Variants in ING5 observed in about 807,000 individuals in gnomAD.
The protein encoded by ING5 is inhibitor of growth protein 5.
Under a neutral mutation model 37.4 loss-of-function variants are expected in ING5, and 17 were observed. That is an observed-to-expected ratio of 0.45 (90% CI 0.31 to 0.68). The LOEUF is 0.68. Ranked by LOEUF, ING5 falls within the 30% of genes least tolerant of loss-of-function variation. The probability of loss-of-function intolerance (pLI) is 0.05; values close to 1 mark genes in which losing one functional copy is unlikely to be tolerated. For missense variants in ING5, 233 were observed against 311.9 expected, an observed-to-expected ratio of 0.75 and a Z score of 1.91; for synonymous variants, 123 against 116.6, an observed-to-expected ratio of 1.06 and a Z score of -0.36.
chr2:241,696,944 T>C (rs7586855), intron 2 of ING5, among the ~76,000 whole-genome samples: 94,400 of 151,864 alleles, frequency 0.62, 29,521 homozygotes, highest in Admixed American at 0.66. Context: ...TAGCTGGGCA[T>C]GGTGGCAGGC....
chr2:241,723,665 C>G, intron 7 of ING5: 1 of 1,169,020 alleles, frequency 8.6e-7, no homozygotes, highest in Non-Finnish European at 1.3e-6. Context: ...GAGATGTGAG[C>G]CCTGAAGCCG....
intron 1 of ING5, among the ~76,000 whole-genome samples, chr2:241,703,268 T>A (rs1200047058): frequency 6.6e-6 from 1 of 152,178 alleles, no homozygotes; most frequent in East Asian, 1.9e-4. Flanking sequence ...ACACTGGGGC[T>A]GGAAGCATCA....
chr2:241,725,024 A>G lies in ING5; in HGVS notation c.716A>G (p.Lys239Arg), dbSNP rs1691551051. The part of the protein sequence containing the change: ...CPRCVQEKRK[K>R]K ...CGGTGTGTCCAGGAAAAGAGGAAGA[A>G]GAAGTAGGAGGAGCTGTGTGCCCGG... Residue 239 changes from lysine (K) to arginine (R), a missense_variant, in exon 8 of 8, where the codon AAG (lysine) becomes AGG (arginine). Transcript: ENST00000313552. 1 of 1,614,006 alleles carries G rather than the reference A, an allele frequency of 6.2e-7. No homozygotes were observed. Among genetic ancestry groups the G allele is most frequent in the African/African-American group, 1.3e-5 (1 of 74,924 alleles).
chr2:241,702,383 A>AC (rs1411012900), intron 1 of ING5, among the ~76,000 whole-genome samples: 6 of 144,808 alleles, frequency 4.1e-5, no homozygotes, highest in African/African-American at 7.8e-5. Flanking sequence ...TGCGGCCTCG[A>AC]CCCCGCCCAC....
At chr2:241,716,341 A>G (rs1179125768) in intron 5 of ING5, among the ~76,000 whole-genome samples, 1 of 142,282 alleles carries the variant, frequency 7.0e-6, no homozygotes, top group Non-Finnish European at 1.5e-5. Context: ...GCTGGAGTAC[A>G]ATTTGCAATG....
intron 1 of ING5, among the ~76,000 whole-genome samples, chr2:241,688,435 A>T (rs917500405): frequency 6.6e-6 from 1 of 152,210 alleles, no homozygotes; most frequent in Non-Finnish European, 1.5e-5. Context: ...GGCTGAGGTC[A>T]TTGGCAACAA....
chr2:241,721,431 G>A (rs2124948166), intron 5 of ING5: 1 of 985,608 alleles, frequency 1.0e-6, no homozygotes, highest in Non-Finnish European at 1.2e-6. Flanking sequence ...ACAGACTTAG[G>A]TGGGCGCCCC....
chr2:241,719,595 C>T (rs2070374720), intron 5 of ING5: 3 of 1,535,960 alleles, frequency 2.0e-6, no homozygotes, highest in Admixed American at 2.0e-5. Context: ...CTTCCTCACC[C>T]AGTGCTGTTT....
chr2:241,723,874 G>C (rs761984377), intron 7 of ING5: 36 of 1,467,530 alleles, frequency 2.5e-5, no homozygotes, highest in Non-Finnish European at 3.4e-5. Flanking sequence ...GCTGGGCGTG[G>C]TGGTGCGTGC....
rs751954614 is a variant in ING5, at chr2:241,704,646, GT to G, written c.38-4del. On this transcript the variant is annotated splice_region_variant and splice_polypyrimidine_tract_variant and intron_variant, in intron 1 of 7. Coordinates refer to ENST00000313552, the MANE Select transcript of ING5 (RefSeq NM_032329.6). ...AGGTACATGGCTTCTGTGTTTTTGC[GT>G]TTCAGGTATCGAGAACCTTCCCTGC... is the stretch of plus-strand genomic sequence containing the variant. The G allele has an allele frequency of 6.3e-5, 101 of 1,613,278 alleles. No individual in the cohort carries two copies. The highest frequency in any genetic ancestry group is 3.8e-4 in the Admixed American group (23 of 59,992).
chr2:241,711,315 A>G (rs1168959221), intron 3 of ING5, 62 bp from the exon 4 acceptor site: 1 of 1,176,692 alleles, frequency 8.5e-7, no homozygotes, highest in African/African-American at 1.6e-5. Flanking sequence ...ACTTTTGTAC[A>G]TTCGTGATTC....
rs1691567581 is a variant in ING5 at position 241,725,241 on chromosome 2, G to A, written c.*210G>A. The A allele has an allele frequency of 1.7e-6, 1 of 598,704 alleles. No homozygotes were observed. The highest frequency in any genetic ancestry group is 1.9e-5 in the South Asian group (1 of 52,134). 37.1% of individuals were successfully genotyped at this position (598,704 alleles called of 1,614,324 possible). On this transcript the variant is annotated 3_prime_UTR_variant, in exon 8 of 8. Coordinates refer to ENST00000313552, the MANE Select transcript of ING5 (RefSeq NM_032329.6). Reference sequence around the variant, plus strand: ...GCAGGGACTCGCCGCCGCGACCTCAGTGTGGCTTTTACAGGACTCCCCCCG... The same window carrying A: ...GCAGGGACTCGCCGCCGCGACCTCAATGTGGCTTTTACAGGACTCCCCCCG...
Position 241,720,586 on chromosome 2 carries a change from A to G in ING5, c.483-2353A>G, listed in dbSNP as rs559538122. On this transcript the variant is annotated intron_variant, in intron 5 of 7. Coordinates refer to ENST00000313552, the MANE Select transcript of ING5 (RefSeq NM_032329.6). Reference sequence around the variant, plus strand: ...GGCAGTGTCACCTGTAGCACCTGGAATCCCGGGGCTTGGACAGGCAGCCAG... The same window carrying G: ...GGCAGTGTCACCTGTAGCACCTGGAGTCCCGGGGCTTGGACAGGCAGCCAG... 1.9e-5 allele frequency: 19 copies of G among 986,474 alleles called. No homozygotes were observed. The East Asian group carries it at 1.0e-3, about 53-fold the overall frequency. The allele number at this position is 986,474 out of a possible 1,614,324, so 61.1% of individuals were successfully genotyped here. A position where few individuals can be genotyped will look rare whatever the true frequency, so the allele number is the denominator to read the frequency against.
chr2:241,707,539 C>A lies in ING5; in HGVS notation c.110-1677C>A, dbSNP rs6739333. Among the ~76,000 whole-genome samples, 642 of 152,192 alleles carry A rather than the reference C, an allele frequency of 4.2e-3. 3 individuals carry two copies. The highest frequency in any genetic ancestry group is 0.015 in the African/African-American group (605 of 41,498). On this transcript the variant is annotated intron_variant, in intron 2 of 7. Transcript: ENST00000313552. ...ACTCCTGACCTCAGGTTCATCCACC[C>A]GCCTTGGCCTCCCAAAGTGCTGGGA...
chr2:241,716,248 G>GT (rs938600467), intron 5 of ING5, among the ~76,000 whole-genome samples: 2 of 126,362 alleles, frequency 1.6e-5, no homozygotes, highest in African/African-American at 2.9e-5. Flanking sequence ...TTAGTATTCC[G>GT]TTTTTTTCCC....
chr2:241,700,775 G>A (rs1318208383), upstream of ING5, among the ~76,000 whole-genome samples: 1 of 152,006 alleles, frequency 6.6e-6, no homozygotes, highest in Non-Finnish European at 1.5e-5. Flanking sequence ...ACAGGCGCCC[G>A]CCACCACGCC....
intron 2 of ING5, among the ~76,000 whole-genome samples, chr2:241,696,782 C>G (rs1189495950): frequency 1.3e-5 from 2 of 151,978 alleles, no homozygotes; most frequent in Non-Finnish European, 2.9e-5. Flanking sequence ...GACCCTGACT[C>G]TAAAAATAAT....
intron 3 of ING5, 59 bp from the exon 4 acceptor site, chr2:241,711,318 C>A (rs193298564): frequency 2.5e-6 from 3 of 1,192,964 alleles, no homozygotes; most frequent in African/African-American, 1.6e-5. Flanking sequence ...TTTGTACATT[C>A]GTGATTCTGA....
chr2:241,691,840 G>A (rs968140441), intron 2 of ING5, among the ~76,000 whole-genome samples: 1 of 152,118 alleles, frequency 6.6e-6, no homozygotes, highest in Non-Finnish European at 1.5e-5. Flanking sequence ...GATTGCTTGA[G>A]CTCAGGAGTT....
Sources: gnomAD v4.1 joint callset for allele counts (sites outside exome capture counted in the v4.1 genomes callset) on GRCh38, gnomAD v4.1.1 for gene constraint, MANE v1.5 for transcripts, NCBI Gene and HGNC (gene_info 2026-07-23, HGNC 2026-07-21) for gene names.